The following DMC1 variants were observed in gnomAD, a reference collection of about 807,000 sequenced individuals.
DMC1 encodes meiotic recombination protein DMC1 homolog.
Under a neutral mutation model 50.1 loss-of-function variants are expected in DMC1, and 27 were observed. That is an observed-to-expected ratio of 0.54 (90% CI 0.40 to 0.74). The LOEUF (loss-of-function observed/expected upper bound fraction) is 0.74, where lower values mean the gene tolerates loss of function less well. Among genes scored for constraint, DMC1 ranks in the 30% least tolerant of loss-of-function variants. DMC1 has a pLI of 0.00. For missense variants in DMC1, 295 were observed against 420.2 expected (o/e 0.70, Z 2.60); for synonymous variants, 148 against 136.1 (o/e 1.09, Z -0.61).
intron 7 of DMC1, among the ~76,000 whole-genome samples, chr22:38,551,228 A>G (rs2090406622): frequency 6.6e-6 from 1 of 152,082 alleles, no homozygotes; most frequent in South Asian, 2.1e-4. Context: ...AACCTGGGTG[A>G]CACAGCGAGA....
chr22:38,533,063 C>G (rs781773120), intron 12 of DMC1, among the ~76,000 whole-genome samples: 1 of 151,958 alleles, frequency 6.6e-6, no homozygotes, highest in Non-Finnish European at 1.5e-5. Flanking sequence ...ATATTTTTCA[C>G]AGGAATCTCT....
At chr22:38,535,162 G>C (rs1396961545) in intron 12 of DMC1, among the ~76,000 whole-genome samples, 2 of 151,966 alleles carry the variant, frequency 1.3e-5, no homozygotes, top group African/African-American at 4.8e-5. Flanking sequence ...AGCCGGGTGT[G>C]GTGGTAGGTG....
At chr22:38,565,040 A>G (rs191961991) in intron 4 of DMC1, among the ~76,000 whole-genome samples, 1 of 152,352 alleles carries the variant, frequency 6.6e-6, no homozygotes, top group Admixed American at 6.5e-5. Flanking sequence ...TGAGACCCTC[A>G]CATACCAATA....
intron 2 of DMC1, 95 bp downstream of exon 2, chr22:38,568,111 A>T: frequency 9.0e-7 from 1 of 1,111,174 alleles, no homozygotes; most frequent in Non-Finnish European, 1.4e-6. Context: ...TGTTATTTCT[A>T]CTTTCAGCTT....
chr22:38,517,479 G>T (rs1417296015), downstream of DMC1, among the ~76,000 whole-genome samples: 1 of 152,138 alleles, frequency 6.6e-6, no homozygotes, highest in Non-Finnish European at 1.5e-5. Flanking sequence ...TGAGGCAGGA[G>T]AATCGCTTGA....
intron 5 of DMC1, among the ~76,000 whole-genome samples, chr22:38,555,991 C>T (rs2090465762): frequency 6.6e-6 from 1 of 152,064 alleles, no homozygotes; most frequent in African/African-American, 2.4e-5. Flanking sequence ...GCCACCACGC[C>T]AGGCTAATTT....
At chr22:38,526,245 C>T (rs982912521) in intron 12 of DMC1, among the ~76,000 whole-genome samples, 8 of 151,590 alleles carry the variant, frequency 5.3e-5, no homozygotes, top group Non-Finnish European at 8.8e-5. Context: ...TGCTCTGTTG[C>T]CCAGGCTGGA....
intron 5 of DMC1, among the ~76,000 whole-genome samples, chr22:38,556,098 C>T (rs888718882): frequency 6.6e-6 from 1 of 152,172 alleles, no homozygotes; most frequent in Admixed American, 6.5e-5. Context: ...TCCCAAAGTG[C>T]TGGGATTACA....
chr22:38,569,263 CA>C (rs1326033303), intron 1 of DMC1: 1 of 151,664 alleles, frequency 6.6e-6, no homozygotes, highest in Non-Finnish European at 1.5e-5. Flanking sequence ...ATTGTAGACT[CA>C]AAAAGAAATC....
At chr22:38,532,365 C>T (rs2090162368) in intron 12 of DMC1, among the ~76,000 whole-genome samples, 1 of 151,418 alleles carries the variant, frequency 6.6e-6, no homozygotes, top group South Asian at 2.1e-4. Context: ...CTCTGTCACC[C>T]AGGCTGGAGT....
chr22:38,518,096 C>G (rs183748614), downstream of DMC1, among the ~76,000 whole-genome samples: 1 of 152,112 alleles, frequency 6.6e-6, no homozygotes, highest in African/African-American at 2.4e-5. Flanking sequence ...CCTCAGCCTC[C>G]TGAGTAGCTG....
At chr22:38,533,395 C>CAAAAAA (rs1296043692) in intron 12 of DMC1, among the ~76,000 whole-genome samples, 69 of 38,116 alleles carry the variant, frequency 1.8e-3, no homozygotes, top group Non-Finnish European at 2.1e-3. Flanking sequence ...GACTCCATCA[C>CAAAAAA]AAAAAAAAAA....
chr22:38,569,011 G>A (rs11570370), intron 1 of DMC1, among the ~76,000 whole-genome samples: 73 of 151,872 alleles, frequency 4.8e-4, no homozygotes, highest in African/African-American at 1.5e-3. Flanking sequence ...GCCAATCCCC[G>A]TCTCTACTAA....
At chr22:38,529,174 C>T (rs140831253) in intron 12 of DMC1, among the ~76,000 whole-genome samples, 3,753 of 152,130 alleles carry the variant, frequency 0.025, 64 homozygotes, top group South Asian at 0.055. Flanking sequence ...CCATGCCCTG[C>T]TAATTTTTGT....
At chr22:38,537,340 A>G (rs900812694) in intron 12 of DMC1, among the ~76,000 whole-genome samples, 1 of 151,874 alleles carries the variant, frequency 6.6e-6, no homozygotes, top group African/African-American at 2.4e-5. Flanking sequence ...CAGCCTCCGG[A>G]GTAGCTGAGA....
intron 13 of DMC1, among the ~76,000 whole-genome samples, chr22:38,520,440 C>T (rs958138246): frequency 2.0e-5 from 3 of 151,900 alleles, no homozygotes; most frequent in Non-Finnish European, 4.4e-5. Context: ...TCACTGCAAC[C>T]TCTGCCTCCT....
rs1157477054 is a variant in DMC1 at position 38,549,969 on chromosome 22, G to A, written c.450C>T (p.Gly150=). 6.2e-7 allele frequency: 1 copy of A among 1,613,446 alleles called. No homozygotes were observed. Among genetic ancestry groups the A allele is most frequent in the Non-Finnish European group, 8.5e-7 (1 of 1,179,690 alleles). ...CVTAQLPGAG[G]YPGGKIIFID... is the part of the protein sequence containing the mutation. ...TGAAGATAATCTTTCCTCCTGGGTA[G>A]CCACCAGCTCCTGGAAGTTGAGCTG... Residue 150 remains glycine (G), a synonymous_variant, in exon 8 of 14, where the codon GGC becomes GGT. Transcript: ENST00000216024.
At chr22:38,526,602 C>T (rs1029050235) in intron 12 of DMC1, among the ~76,000 whole-genome samples, 1 of 151,984 alleles carries the variant, frequency 6.6e-6, no homozygotes. Flanking sequence ...CACATATACA[C>T]ACATACAAAA....
At chr22:38,520,159 G>A (rs2090008845) in intron 13 of DMC1, 70 bp from the exon 14 acceptor site, 1 of 1,269,060 alleles carries the variant, frequency 7.9e-7, no homozygotes, top group East Asian at 2.4e-5. Context: ...TCATGTCACA[G>A]GCATTATGTG....
Sources: allele counts gnomAD v4.1 joint callset (sites outside exome capture counted in the v4.1 genomes callset), GRCh38; gene constraint gnomAD v4.1.1; transcripts MANE v1.5; gene names NCBI Gene and HGNC (gene_info 2026-07-23, HGNC 2026-07-21).